Variants in MAN1A2 observed in about 807,000 individuals in gnomAD.
The protein encoded by MAN1A2 is mannosidase alpha class 1A member 2.
In MAN1A2, 26 loss-of-function variants were observed where a neutral mutation model predicts 75.7. The ratio of observed to expected loss-of-function variants is 0.34; its 90% confidence interval spans 0.25 to 0.48. The LOEUF is 0.48. Ranked by LOEUF, MAN1A2 falls within the 20% of genes least tolerant of loss-of-function variation. The pLI, the probability that MAN1A2 is intolerant of heterozygous loss-of-function variation, is 0.99. For missense variants in MAN1A2, 562 were observed against 775.5 expected, an observed-to-expected ratio of 0.72 and a Z score of 3.27; for synonymous variants, 247 against 264.6, an observed-to-expected ratio of 0.93 and a Z score of 0.65.
chr1:117,387,597 G>T (rs1342393038), intron 1 of MAN1A2, among the ~76,000 whole-genome samples: 3 of 152,180 alleles, frequency 2.0e-5, no homozygotes, highest in Non-Finnish European at 4.4e-5. Flanking sequence ...AAATGCAAAA[G>T]TATGGAGGTA....
Position 117,429,437 on chromosome 1 carries a change from C to A in MAN1A2, c.855+8788C>A, listed in dbSNP as rs1648502061. 3.3e-5 allele frequency among the ~76,000 whole-genome samples: 3 copies of A among 90,140 alleles called. No individual in the cohort carries two copies. In the East Asian group the frequency reaches 8.2e-4, roughly 25 times the overall value. 59.1% of individuals were successfully genotyped at this position (90,140 alleles called of 152,430 possible). ...GCGGCTGGCCGGGCAGGGGGGCTGA[C>A]CCCCCCCACCTCCCTCCCGGAGGGG... is the stretch of plus-strand genomic sequence containing the variant. On this transcript the variant is annotated intron_variant, in intron 5 of 12. Transcript: ENST00000356554.
At chr1:117,386,157 T>G (rs1420364059) in intron 1 of MAN1A2, among the ~76,000 whole-genome samples, 2 of 152,230 alleles carry the variant, frequency 1.3e-5, no homozygotes, top group Admixed American at 1.3e-4. Context: ...TTTGGCAGCT[T>G]AAGCAACATA....
intron 8 of MAN1A2, among the ~76,000 whole-genome samples, chr1:117,483,213 G>A (rs528251679): frequency 6.6e-6 from 1 of 152,172 alleles, no homozygotes; most frequent in African/African-American, 2.4e-5. Context: ...GATTGTCTTG[G>A]CAATGCAGGC....
intron 3 of MAN1A2, among the ~76,000 whole-genome samples, chr1:117,411,718 G>A (rs1228362180): frequency 2.6e-5 from 4 of 151,712 alleles, no homozygotes; most frequent in African/African-American, 7.2e-5. Flanking sequence ...GGAGGTATAT[G>A]AATAGCCAGT....
chr1:117,369,336 T>G (rs1652875432), intron 1 of MAN1A2, among the ~76,000 whole-genome samples: 1 of 152,188 alleles, frequency 6.6e-6, no homozygotes, highest in South Asian at 2.1e-4. Context: ...ATTTTTATAT[T>G]TGTACTCAAG....
chr1:117,382,558 A>G (rs1472661107), intron 1 of MAN1A2, among the ~76,000 whole-genome samples: 2 of 152,218 alleles, frequency 1.3e-5, no homozygotes, highest in Non-Finnish European at 2.9e-5. Context: ...TTTTGGTACC[A>G]GTACCATGCT....
At chr1:117,469,723 A>G (rs1230112156) in intron 8 of MAN1A2, among the ~76,000 whole-genome samples, 1 of 152,138 alleles carries the variant, frequency 6.6e-6, no homozygotes, top group African/African-American at 2.4e-5. Context: ...AATGGAAAAT[A>G]AGTACATGAA....
At chr1:117,410,965 A>G (rs1647798815) in intron 3 of MAN1A2, among the ~76,000 whole-genome samples, 1 of 151,836 alleles carries the variant, frequency 6.6e-6, no homozygotes, top group Non-Finnish European at 1.5e-5. Flanking sequence ...AAAGGACTTA[A>G]TGGAGAGAAA....
intron 1 of MAN1A2, among the ~76,000 whole-genome samples, chr1:117,394,135 G>A (rs952757597): frequency 4.0e-5 from 6 of 151,324 alleles, no homozygotes; most frequent in African/African-American, 1.5e-4. Flanking sequence ...AGGCTGGAGT[G>A]CAGTGGCGCA....
At chr1:117,375,663 T>C (rs72689580) in intron 1 of MAN1A2, among the ~76,000 whole-genome samples, 11,610 of 152,266 alleles carry the variant, frequency 0.076, 497 homozygotes, top group Middle Eastern at 0.15. Flanking sequence ...AGATTATTAA[T>C]GAATGTTACA....
intron 12 of MAN1A2, among the ~76,000 whole-genome samples, chr1:117,521,148 T>TA (rs1399342222): frequency 1.3e-5 from 2 of 152,080 alleles, no homozygotes; most frequent in Non-Finnish European, 2.9e-5. Flanking sequence ...TCTTTCATCT[T>TA]ACACGAAAAT....
chr1:117,422,494 T>A (rs1204932557), intron 5 of MAN1A2, among the ~76,000 whole-genome samples: 1 of 152,168 alleles, frequency 6.6e-6, no homozygotes, highest in Non-Finnish European at 1.5e-5. Flanking sequence ...TGGGATTTAC[T>A]GAGTCAAAGG....
intron 1 of MAN1A2, among the ~76,000 whole-genome samples, chr1:117,381,034 CA>C (rs1204534967): frequency 1.3e-5 from 2 of 152,096 alleles, no homozygotes; most frequent in African/African-American, 2.4e-5. Context: ...TTTAATTTTT[CA>C]GCAATGTTTA....
At chr1:117,423,965 C>T (rs1349695904) in intron 5 of MAN1A2, among the ~76,000 whole-genome samples, 3 of 151,442 alleles carry the variant, frequency 2.0e-5, no homozygotes, top group African/African-American at 4.9e-5. Flanking sequence ...TCACTGCAAC[C>T]TCTGCCTCCC....
At chr1:117,501,840 A>G (rs1184830731) in intron 11 of MAN1A2, among the ~76,000 whole-genome samples, 66 of 151,800 alleles carry the variant, frequency 4.3e-4, no homozygotes, top group Non-Finnish European at 4.4e-5. Flanking sequence ...CATGGCAGAC[A>G]GCGATGGTTA....
chr1:117,375,988 T>G (rs1653125256), intron 1 of MAN1A2, among the ~76,000 whole-genome samples: 1 of 150,856 alleles, frequency 6.6e-6, no homozygotes, highest in Non-Finnish European at 1.5e-5. Flanking sequence ...CTCGGCTCAC[T>G]GCAAGCTCCG....
intron 3 of MAN1A2, among the ~76,000 whole-genome samples, chr1:117,406,844 A>G (rs1331824303): frequency 6.6e-6 from 1 of 152,122 alleles, no homozygotes; most frequent in African/African-American, 2.4e-5. Context: ...AACTATTTTT[A>G]TGTTAAACTC....
rs1363276535 is a variant in MAN1A2 at position 117,386,974 on chromosome 1, G to A, written c.303-15212G>A. 2.6e-5 allele frequency among the ~76,000 whole-genome samples: 4 copies of A among 151,912 alleles called. No homozygotes were observed. The East Asian group carries it at 5.8e-4, about 22-fold the overall frequency. ...CCCGGTAGCATGGGAGAAAATATTT[G>A]CAAATCATGTATCTGATAAGGCATT... On this transcript the variant is annotated intron_variant, in intron 1 of 12. Transcript: ENST00000356554.
Position 117,458,523 on chromosome 1 carries a change from A to AGATATAGATATAGATAT in MAN1A2, c.951-1966_951-1965insGATATAGATATAGATAT, listed in dbSNP as rs372300456. Among the ~76,000 whole-genome samples the AGATATAGATATAGATAT allele has an allele frequency of 6.6e-5, 7 of 105,616 alleles. No homozygotes were observed. The East Asian group carries it at 1.2e-3, about 18-fold the overall frequency. 69.3% of individuals were successfully genotyped at this position (105,616 alleles called of 152,430 possible). A position where few individuals can be genotyped will look rare whatever the true frequency, so the allele number is the denominator to read the frequency against. On this transcript the variant is annotated intron_variant, in intron 6 of 12. Transcript: ENST00000356554. Reference sequence around the variant, plus strand: ...TATATATATATATAGATATATATATATTTTTTTTTTTTTTTTTGAGACAGA... The same window carrying AGATATAGATATAGATAT: ...TATATATATATATAGATATATATATAGATATAGATATAGATATTTTTTTTTTTTTTTTTTGAGACAGA...
Sources: allele counts gnomAD v4.1 joint callset (sites outside exome capture counted in the v4.1 genomes callset), GRCh38; gene constraint gnomAD v4.1.1; transcripts MANE v1.5; gene names NCBI Gene and HGNC (gene_info 2026-07-23, HGNC 2026-07-21).